The following CA10 variants were observed in gnomAD, a reference collection of about 807,000 sequenced individuals.
CA10 encodes carbonic anhydrase 10 (inactive).
CA10 carries 14 observed loss-of-function variants against 44.2 expected under a neutral mutation model. The ratio of observed to expected loss-of-function variants is 0.32; its 90% CI spans 0.21 to 0.50. The LOEUF (loss-of-function observed/expected upper bound fraction) is 0.50, where lower values mean the gene tolerates loss of function less well. CA10 is among the 20% of genes least tolerant of loss of function. The pLI is 0.99. For synonymous variants in CA10, 159 were observed against 141.6 expected (o/e 1.12, Z -0.87); for missense variants, 350 against 409.7 (o/e 0.85, Z 1.26).
At chr17:51,898,322 T>G (rs995748267) in intron 3 of CA10, among the ~76,000 whole-genome samples, 2 of 152,122 alleles carry the variant, frequency 1.3e-5, no homozygotes, top group Non-Finnish European at 2.9e-5. Context: ...ATCATGTAGT[T>G]TTTTAGTTCT....
chr17:51,862,626 C>T (rs1486705208), intron 3 of CA10, among the ~76,000 whole-genome samples: 2 of 152,024 alleles, frequency 1.3e-5, no homozygotes, highest in African/African-American at 4.8e-5. Flanking sequence ...AACAAAATAC[C>T]ATAGACTGAG....
chr17:51,747,483 G>A (rs534591750), intron 4 of CA10, 150 bp downstream of exon 4: 4 of 620,608 alleles, frequency 6.4e-6, no homozygotes, highest in Admixed American at 5.7e-5. Context: ...ATGTCAATTT[G>A]CAAAAGACAG....
At chr17:51,910,990 G>A (rs980267213) in intron 3 of CA10, among the ~76,000 whole-genome samples, 2 of 152,196 alleles carry the variant, frequency 1.3e-5, no homozygotes, top group African/African-American at 4.8e-5. Context: ...AGTCTCTGCA[G>A]TGAAAAGAAT....
intron 2 of CA10, among the ~76,000 whole-genome samples, chr17:52,008,176 T>C (rs758594871): frequency 6.6e-6 from 1 of 151,784 alleles, no homozygotes; most frequent in Non-Finnish European, 1.5e-5. Flanking sequence ...TATTTCATTA[T>C]TGCTTCTTTC....
chr17:52,044,268 T>C (rs987018386), intron 2 of CA10, among the ~76,000 whole-genome samples: 3 of 152,082 alleles, frequency 2.0e-5, no homozygotes, highest in Admixed American at 1.3e-4. Context: ...TGTTTCTTCA[T>C]GGTTAGTCTT....
intron 5 of CA10, among the ~76,000 whole-genome samples, chr17:51,650,175 G>A (rs1384266625): frequency 6.6e-6 from 1 of 152,182 alleles, no homozygotes; most frequent in Non-Finnish European, 1.5e-5. Context: ...CATCATTGAT[G>A]AGACTGTGAT....
intron 3 of CA10, among the ~76,000 whole-genome samples, chr17:51,856,817 G>A (rs1029140833): frequency 3.9e-5 from 6 of 152,184 alleles, no homozygotes; most frequent in East Asian, 3.9e-4. Context: ...GCTCCAAAGC[G>A]GGGGAGGTCA....
chr17:52,015,159 A>G (rs577546434), intron 2 of CA10, among the ~76,000 whole-genome samples: 1 of 152,216 alleles, frequency 6.6e-6, no homozygotes, highest in South Asian at 2.1e-4. Context: ...ACAAAAAACA[A>G]ACAACAAACT....
chr17:51,736,878 C>T (rs76294412), intron 4 of CA10, among the ~76,000 whole-genome samples: 4,170 of 152,212 alleles, frequency 0.027, 205 homozygotes, highest in African/African-American at 0.096. Flanking sequence ...GAAGGTCCTC[C>T]GCAGGAACAC....
At chr17:51,964,500 T>C (rs1199645959) in intron 2 of CA10, among the ~76,000 whole-genome samples, 4 of 152,000 alleles carry the variant, frequency 2.6e-5, no homozygotes, top group African/African-American at 9.6e-5. Context: ...TTGACCACAT[T>C]CTTGGCCATA....
At chr17:52,078,543 T>TC (rs1987878418) in intron 1 of CA10, among the ~76,000 whole-genome samples, 1 of 152,224 alleles carries the variant, frequency 6.6e-6, no homozygotes, top group African/African-American at 2.4e-5. Flanking sequence ...AATGGTTGTT[T>TC]CCCTCAGAAA....
intron 3 of CA10, among the ~76,000 whole-genome samples, chr17:51,872,160 G>A (rs1434248357): frequency 6.6e-6 from 1 of 152,188 alleles, no homozygotes; most frequent in Non-Finnish European, 1.5e-5. Context: ...GAGAATTTCT[G>A]CAGTGCCTGT....
intron 3 of CA10, among the ~76,000 whole-genome samples, chr17:51,809,936 T>C (rs1007458076): frequency 6.6e-6 from 1 of 152,186 alleles, no homozygotes; most frequent in African/African-American, 2.4e-5. Context: ...TAAACATCTA[T>C]ATTTGGTTGG....
At chr17:51,667,933 G>A (rs1914265471) in intron 4 of CA10, among the ~76,000 whole-genome samples, 1 of 152,228 alleles carries the variant, frequency 6.6e-6, no homozygotes, top group African/African-American at 2.4e-5. Flanking sequence ...AAGTGTATCT[G>A]TGTGTATGTG....
chr17:52,151,746 T>C (rs1423657258), intron 1 of CA10, among the ~76,000 whole-genome samples: 3 of 152,166 alleles, frequency 2.0e-5, no homozygotes, highest in Admixed American at 1.3e-4. Flanking sequence ...TACTGAATGA[T>C]TAATACATGT....
intron 1 of CA10, among the ~76,000 whole-genome samples, chr17:52,094,700 C>T (rs1261159396): frequency 6.6e-6 from 1 of 151,944 alleles, no homozygotes; most frequent in Non-Finnish European, 1.5e-5. Context: ...GGAGAATATC[C>T]AAATGGGCAG....
intron 4 of CA10, among the ~76,000 whole-genome samples, chr17:51,701,221 G>A (rs1039783997): frequency 2.6e-5 from 4 of 152,038 alleles, no homozygotes; most frequent in South Asian, 2.1e-4. Flanking sequence ...GGTGTTCCTC[G>A]GCGGGCGGCA....
intron 2 of CA10, among the ~76,000 whole-genome samples, chr17:52,008,347 G>A (rs980081511): frequency 2.0e-5 from 3 of 151,786 alleles, no homozygotes; most frequent in South Asian, 2.1e-4. Context: ...CAGAATACAT[G>A]CCTAGATAAA....
chr17:51,943,421 A>G (rs1302751292), intron 2 of CA10, among the ~76,000 whole-genome samples: 3 of 152,208 alleles, frequency 2.0e-5, no homozygotes, highest in Non-Finnish European at 2.9e-5. Flanking sequence ...CCAAAAGTAA[A>G]TATCTCTAAA....
Sources: allele counts gnomAD v4.1 joint callset (sites outside exome capture counted in the v4.1 genomes callset), GRCh38; gene constraint gnomAD v4.1.1; transcripts MANE v1.5; gene names NCBI Gene and HGNC (gene_info 2026-07-23, HGNC 2026-07-21).